Variants in MEMO1 observed in about 807,000 individuals in gnomAD.
The protein encoded by MEMO1 is mediator of cell motility 1.
Under a neutral mutation model 45.2 loss-of-function variants are expected in MEMO1, and 6 were observed. That is an observed-to-expected ratio of 0.13 (90% CI 0.07 to 0.26). The LOEUF (loss-of-function observed/expected upper bound fraction) is 0.26, where lower values mean the gene tolerates loss of function less well. Ranked by LOEUF, MEMO1 falls within the 10% of genes least tolerant of loss-of-function variation. MEMO1 has a pLI of 1.00. For synonymous variants in MEMO1, 78 were observed against 124.3 expected (o/e 0.63, Z 2.48); for missense variants, 184 against 370.5 (o/e 0.50, Z 4.13).
intron 2 of MEMO1, among the ~76,000 whole-genome samples, chr2:31,973,340 G>T (rs967761181): frequency 1.3e-5 from 2 of 152,026 alleles, no homozygotes; most frequent in African/African-American, 4.8e-5. Context: ...TGTAATCCCA[G>T]CTACTTGGGA....
intron 2 of MEMO1, among the ~76,000 whole-genome samples, chr2:31,961,720 G>A (rs1668029658): frequency 6.6e-6 from 1 of 151,998 alleles, no homozygotes; most frequent in African/African-American, 2.4e-5. Context: ...AGAGGGTGCA[G>A]TGACCCAAGA....
intron 8 of MEMO1, among the ~76,000 whole-genome samples, chr2:31,880,517 C>A (rs1333822693): frequency 6.6e-6 from 1 of 152,122 alleles, no homozygotes; most frequent in Non-Finnish European, 1.5e-5. Context: ...AGATTCCTTA[C>A]TAAAATATTT....
At chr2:31,907,691 G>A (rs1558493980) in intron 6 of MEMO1, among the ~76,000 whole-genome samples, 1 of 151,928 alleles carries the variant, frequency 6.6e-6, no homozygotes, top group Non-Finnish European at 1.5e-5. Context: ...TATTTGGAAC[G>A]CTGAGGTAGG....
At chr2:31,936,920 T>C (rs967391889) in intron 3 of MEMO1, among the ~76,000 whole-genome samples, 1 of 152,226 alleles carries the variant, frequency 6.6e-6, no homozygotes, top group Non-Finnish European at 1.5e-5. Flanking sequence ...ATGAGAAGAC[T>C]GAACCAGAGG....
intron 2 of MEMO1, among the ~76,000 whole-genome samples, chr2:31,950,375 C>T (rs549345423): frequency 3.4e-5 from 5 of 145,826 alleles, no homozygotes; most frequent in Admixed American, 1.4e-4. Flanking sequence ...AGCAAGACTC[C>T]GTCAAAAAAA....
chr2:31,936,350 C>G (rs1223923060), intron 3 of MEMO1, among the ~76,000 whole-genome samples: 1 of 152,202 alleles, frequency 6.6e-6, no homozygotes, highest in Non-Finnish European at 1.5e-5. Flanking sequence ...GATTCCCAAC[C>G]TAACATATCA....
At chr2:31,898,479 T>C (rs1453528022) in intron 6 of MEMO1, among the ~76,000 whole-genome samples, 3 of 152,216 alleles carry the variant, frequency 2.0e-5, no homozygotes, top group Non-Finnish European at 4.4e-5. Flanking sequence ...ATTTACCCAG[T>C]AGTCATGCAG....
At chr2:32,000,553 A>G (rs188512489) in intron 2 of MEMO1, among the ~76,000 whole-genome samples, 50 of 151,072 alleles carry the variant, frequency 3.3e-4, no homozygotes, top group African/African-American at 1.2e-3. Flanking sequence ...TTTAGTAAAG[A>G]CAGGGTTTCA....
intron 2 of MEMO1, among the ~76,000 whole-genome samples, chr2:32,005,155 C>CGAGCAAAA (rs1363218317): frequency 2.0e-5 from 3 of 151,688 alleles, no homozygotes; most frequent in Admixed American, 6.6e-5. Context: ...AATGTAACAC[C>CGAGCAAAA]GAGCAAAAGC....
At chr2:31,934,894 T>A (rs1446927573) in intron 3 of MEMO1, among the ~76,000 whole-genome samples, 2 of 152,132 alleles carry the variant, frequency 1.3e-5, no homozygotes, top group Non-Finnish European at 2.9e-5. Flanking sequence ...TGGAACTCTA[T>A]CAGTGCTGGT....
chr2:32,005,623 C>T (rs140034844), intron 2 of MEMO1, among the ~76,000 whole-genome samples: 83 of 152,236 alleles, frequency 5.5e-4, no homozygotes, highest in African/African-American at 1.8e-3. Context: ...GATGCTTCAT[C>T]TATACCATGA....
Position 31,911,115 on chromosome 2 carries a change from A to G in MEMO1, c.437+6811T>C, listed in dbSNP as rs559409715. 2.6e-5 allele frequency among the ~76,000 whole-genome samples: 4 copies of G among 152,322 alleles called. No homozygotes were observed. In the East Asian group the frequency reaches 5.8e-4, roughly 22 times the overall value. ...AGGTAGATATTAATTAAATATAGCA[A>G]CAATCCTTCAGGAGGTGGAATGGAT... On this transcript the variant is annotated intron_variant, in intron 6 of 9. Transcript: ENST00000404530.
At chr2:31,973,959 T>C (rs1289179286) in intron 2 of MEMO1, among the ~76,000 whole-genome samples, 1 of 152,228 alleles carries the variant, frequency 6.6e-6, no homozygotes, top group Non-Finnish European at 1.5e-5. Flanking sequence ...CTAATTTGTA[T>C]TATATGAATT....
At chr2:31,982,055 T>C (rs1175912718) in intron 2 of MEMO1, among the ~76,000 whole-genome samples, 1 of 151,960 alleles carries the variant, frequency 6.6e-6, no homozygotes, top group Non-Finnish European at 1.5e-5. Flanking sequence ...TCCCAACACT[T>C]TGAGAGACCA....
At chr2:31,918,830 G>C (rs1183428367) in intron 5 of MEMO1, among the ~76,000 whole-genome samples, 1 of 152,008 alleles carries the variant, frequency 6.6e-6, no homozygotes, top group African/African-American at 2.4e-5. Flanking sequence ...CTGTATCAAA[G>C]AAAGAAATAA....
chr2:32,003,179 C>A (rs1673624040), intron 2 of MEMO1, among the ~76,000 whole-genome samples: 1 of 151,734 alleles, frequency 6.6e-6, no homozygotes, highest in Non-Finnish European at 1.5e-5. Context: ...ACAGTACATG[C>A]CAAAAAAATT....
At chr2:31,873,864 G>GA (rs908200190) in intron 8 of MEMO1, among the ~76,000 whole-genome samples, 2 of 152,068 alleles carry the variant, frequency 1.3e-5, no homozygotes, top group African/African-American at 2.4e-5. Flanking sequence ...AAGTTTTATG[G>GA]AAAAAACTCA....
intron 3 of MEMO1, among the ~76,000 whole-genome samples, 176 bp downstream of exon 3, chr2:31,943,126 G>A (rs1347075971): frequency 6.6e-6 from 1 of 152,106 alleles, no homozygotes; most frequent in African/African-American, 2.4e-5. Flanking sequence ...TTGGCCAGGT[G>A]TGGTGGCACA....
At chr2:31,959,621 G>A (rs376430594) in intron 2 of MEMO1, among the ~76,000 whole-genome samples, 12 of 151,788 alleles carry the variant, frequency 7.9e-5, no homozygotes, top group African/African-American at 2.9e-4. Flanking sequence ...GACAAGATGA[G>A]GTACAAGAAA....
Sources: gnomAD v4.1 joint callset for allele counts (sites outside exome capture counted in the v4.1 genomes callset) on GRCh38, gnomAD v4.1.1 for gene constraint, MANE v1.5 for transcripts, NCBI Gene and HGNC (gene_info 2026-07-23, HGNC 2026-07-21) for gene names.